Variants in NTNG1 observed in about 807,000 individuals in gnomAD.
NTNG1 encodes the protein netrin G1.
In NTNG1, 16 loss-of-function variants were observed where a neutral mutation model predicts 54.0. The observed-to-expected ratio is 0.30, with a 90% CI of 0.20 to 0.45. The LOEUF is 0.45. NTNG1 is among the 20% of genes least tolerant of loss of function. NTNG1 has a pLI of 1.00. For synonymous variants in NTNG1, 255 were observed against 263.1 expected (o/e 0.97, Z 0.30); for missense variants, 530 against 678.7 (o/e 0.78, Z 2.43).
At chr1:107,391,779 C>T (rs1384199387) in intron 3 of NTNG1, among the ~76,000 whole-genome samples, 3 of 152,060 alleles carry the variant, frequency 2.0e-5, no homozygotes, top group Non-Finnish European at 4.4e-5. Context: ...CAGTCATTAC[C>T]ACAATGAGGG....
Position 107,148,360 on chromosome 1 carries a change from T to C in NTNG1, c.-234T>C. ...GTTGTTAACGCCTAACACACAAGTA[T>C]GTTAGGCTTCCACCAAAGTCCTCAA... is the stretch of plus-strand genomic sequence containing the variant. On this transcript the variant is annotated 5_prime_UTR_variant, in exon 2 of 8. An upstream start codon of the reference 5' UTR is lost. Transcript: ENST00000370068. The C allele has an allele frequency of 4.2e-6, 2 of 480,934 alleles. No homozygotes were observed. The highest frequency in any genetic ancestry group is 7.4e-6 in the Non-Finnish European group (2 of 270,206). 29.8% of individuals were successfully genotyped at this position (480,934 alleles called of 1,614,324 possible). A position where few individuals can be genotyped will look rare whatever the true frequency, so the allele number is the denominator to read the frequency against.
intron 7 of NTNG1, 28 bp from the exon 8 acceptor site, chr1:107,480,583 C>CCCCCCCCACACA: frequency 1.3e-6 from 1 of 744,750 alleles, no homozygotes; most frequent in Non-Finnish European, 2.3e-6. Context: ...CGCGCCCACC[C>CCCCCCCCACACA]ACCCCTACCT....
chr1:107,190,630 A>G lies in NTNG1; in HGVS notation c.246+41791A>G, dbSNP rs541619161. 7.2e-5 allele frequency among the ~76,000 whole-genome samples: 11 copies of G among 151,824 alleles called. No homozygotes were observed. The South Asian group carries it at 1.7e-3, about 23-fold the overall frequency. ...TGTGATGTTCCCCTTCCTGTGTCCA[A>G]GTGTTCTCATTGTTCAGTTCCCACC... On this transcript the variant is annotated intron_variant, in intron 2 of 7. Coordinates refer to ENST00000370068, the MANE Select transcript of NTNG1 (RefSeq NM_001113226.3).
intron 2 of NTNG1, among the ~76,000 whole-genome samples, chr1:107,205,626 T>A (rs75701930): frequency 0.014 from 2,112 of 151,388 alleles, 31 homozygotes; most frequent in African/African-American, 0.033. Flanking sequence ...GACTTTTTTT[T>A]TAAAAAAAAC....
intron 4 of NTNG1, among the ~76,000 whole-genome samples, chr1:107,398,314 T>C (rs1448490585): frequency 3.2e-4 from 48 of 152,322 alleles, no homozygotes. Context: ...GGTCAGTTTC[T>C]GTTCACCTTC....
chr1:107,375,873 T>C (rs886347390), intron 3 of NTNG1, among the ~76,000 whole-genome samples: 1 of 152,232 alleles, frequency 6.6e-6, no homozygotes, highest in African/African-American at 2.4e-5. Flanking sequence ...GTTTTTCCTG[T>C]GCTTTAAATT....
At chr1:107,429,228 C>T (rs752624190) in intron 5 of NTNG1, among the ~76,000 whole-genome samples, 31 of 152,096 alleles carry the variant, frequency 2.0e-4, no homozygotes, top group Non-Finnish European at 5.9e-5. Flanking sequence ...ATTTGAGTAT[C>T]CTCCTCTGCT....
chr1:107,412,482 CATAACATTATACCA>C (rs1673886607), intron 5 of NTNG1, among the ~76,000 whole-genome samples: 1 of 152,202 alleles, frequency 6.6e-6, no homozygotes, highest in African/African-American at 2.4e-5. Flanking sequence ...AGGCTACACT[CATAACATTATACCA>C]AGTGGAAGAG....
At chr1:107,189,411 G>A (rs554760886) in intron 2 of NTNG1, among the ~76,000 whole-genome samples, 2 of 138,140 alleles carry the variant, frequency 1.4e-5, no homozygotes, top group Non-Finnish European at 3.1e-5. Flanking sequence ...GGGACAAAAT[G>A]TAAGTAACTC....
intron 5 of NTNG1, among the ~76,000 whole-genome samples, chr1:107,419,168 C>T (rs1274741825): frequency 1.3e-5 from 2 of 151,664 alleles, no homozygotes; most frequent in Non-Finnish European, 2.9e-5. Flanking sequence ...TTCCTCCCTC[C>T]CTTTAGCCTC....
intron 4 of NTNG1, among the ~76,000 whole-genome samples, chr1:107,399,630 G>A (rs2101108244): frequency 6.6e-6 from 1 of 152,182 alleles, no homozygotes; most frequent in East Asian, 1.9e-4. Flanking sequence ...ACTCAAAATA[G>A]TCTTACAAGG....
At chr1:107,383,794 C>T (rs933887972) in intron 3 of NTNG1, among the ~76,000 whole-genome samples, 3 of 152,164 alleles carry the variant, frequency 2.0e-5, no homozygotes, top group African/African-American at 7.2e-5. Context: ...GTTACTTGAA[C>T]GTTGTTCATT....
At chr1:107,179,575 G>A (rs1255424276) in intron 2 of NTNG1, among the ~76,000 whole-genome samples, 1 of 151,846 alleles carries the variant, frequency 6.6e-6, no homozygotes, top group African/African-American at 2.4e-5. Context: ...GAACTTCTCC[G>A]AGTAGATTTG....
At chr1:107,222,349 C>T (rs548842009) in intron 2 of NTNG1, among the ~76,000 whole-genome samples, 59 of 152,100 alleles carry the variant, frequency 3.9e-4, no homozygotes, top group African/African-American at 9.9e-4. Flanking sequence ...TTCTATATCC[C>T]GATTCTGCAA....
At position 107,324,852 on chromosome 1, in the gene NTNG1, G is replaced by A; in HGVS notation, c.817G>A (p.Glu273Lys). Residue 273 changes from glutamate (E) to lysine (K), a missense_variant, in exon 3 of 8, where the codon GAA becomes AAA. Physicochemically the swap from Glu to Lys is moderately conservative, Grantham distance 56. This residue lies in a region of NTNG1 where 318 missense variants were observed against 465.1 expected (regional missense o/e 0.68). Transcript: ENST00000370068. Reference protein sequence around the residue: ...RIRLLRPAVGEIFVDELHLAR... With the variant: ...RIRLLRPAVGKIFVDELHLAR... ...AAGGCTGTTAAGACCAGCCGTTGGG[G>A]AAATATTTGTAGATGAGCTACACTT... 6.2e-7 allele frequency: 1 copy of A among 1,613,560 alleles called. No homozygotes were observed. Among genetic ancestry groups the A allele is most frequent in the Non-Finnish European group, 8.5e-7 (1 of 1,179,712 alleles).
At chr1:107,445,805 T>C (rs559330122) in intron 7 of NTNG1, among the ~76,000 whole-genome samples, 29 of 152,258 alleles carry the variant, frequency 1.9e-4, no homozygotes, top group African/African-American at 7.0e-4. Flanking sequence ...TAGACAACGC[T>C]TAAATGAAAG....
At chr1:107,386,303 G>A (rs958702236) in intron 3 of NTNG1, among the ~76,000 whole-genome samples, 13 of 151,852 alleles carry the variant, frequency 8.6e-5, no homozygotes, top group African/African-American at 2.9e-4. Flanking sequence ...CTGAGTAGCT[G>A]GGATTACAGG....
chr1:107,281,754 G>T (rs1664873831), intron 2 of NTNG1, among the ~76,000 whole-genome samples: 2 of 151,944 alleles, frequency 1.3e-5, no homozygotes, highest in African/African-American at 4.8e-5. Flanking sequence ...ATCAATATTT[G>T]CTAACTGTCC....
In NTNG1 at chr1:107,148,489, G is replaced by A. The variant is rs77941663; in HGVS notation, c.-105G>A. 2.9e-3 allele frequency: 3,034 copies of A among 1,046,706 alleles called. 10 individuals are homozygous for A. The highest frequency in any genetic ancestry group is 8.9e-3 in the East Asian group (374 of 41,936). 64.8% of individuals were successfully genotyped at this position (1,046,706 alleles called of 1,614,324 possible). A position where few individuals can be genotyped will look rare whatever the true frequency, so the allele number is the denominator to read the frequency against. ...AAAAAATACAGAGACCTACCTACCC[G>A]TACGCATACATACATATGTGTATAT... On this transcript the variant is annotated 5_prime_UTR_variant, in exon 2 of 8. Coordinates refer to ENST00000370068, the MANE Select transcript of NTNG1 (RefSeq NM_001113226.3).
Sources: allele counts gnomAD v4.1 joint callset (sites outside exome capture counted in the v4.1 genomes callset), GRCh38; gene constraint gnomAD v4.1.1; regional missense constraint gnomAD v4.1.1; transcripts MANE v1.5; gene names NCBI Gene and HGNC (gene_info 2026-07-23, HGNC 2026-07-21).